Variants in ZNRF1 observed in about 807,000 individuals in gnomAD.
ZNRF1 encodes zinc and ring finger 1, also known as E3 ubiquitin-protein ligase ZNRF1.
A neutral mutation model predicts 18.4 loss-of-function variants in ZNRF1; 3 were observed. The ratio of observed to expected loss-of-function variants is 0.16; its 90% CI spans 0.07 to 0.42. ZNRF1 has a LOEUF of 0.42. ZNRF1 is among the 10% of genes least tolerant of loss of function. The probability of loss-of-function intolerance (pLI) is 0.99; values close to 1 mark genes in which losing one functional copy is unlikely to be tolerated. For synonymous variants in ZNRF1, 157 were observed against 144.2 expected (o/e 1.09, Z -0.64); for missense variants, 310 against 329.8 (o/e 0.94, Z 0.47).
rs1388014732 is a variant in ZNRF1, at chr16:75,109,840, CA to C, written c.*2141del. On this transcript the variant is annotated 3_prime_UTR_variant, in exon 5 of 5. Transcript: ENST00000335325. ...AGCAGGCTCCCCATAGCTTTGTCAC[CA>C]CAAAGGGCACTGTTCTATTCACAGC... The C allele has an allele frequency of 6.6e-6, 1 of 152,294 alleles. No individual in the cohort carries two copies. The highest frequency in any genetic ancestry group is 1.9e-4 in the East Asian group (1 of 5,206). The allele number at this position is 152,294 out of a possible 1,614,324, so 9.4% of individuals were successfully genotyped here. A position where few individuals can be genotyped will look rare whatever the true frequency, so the allele number is the denominator to read the frequency against.
At position 75,087,379 on chromosome 16, in the gene ZNRF1, C is replaced by T. The variant is rs2036086056; in HGVS notation, c.425-6193C>T. ...GACTTGCCTTCTCTCAAGAGCTCTG[C>T]TCTCTGGTACAGCCAACCAAATGGC... On this transcript the variant is annotated intron_variant, in intron 1 of 4. Transcript: ENST00000335325. 2.6e-5 allele frequency among the ~76,000 whole-genome samples: 4 copies of T among 152,228 alleles called. No homozygotes were observed. In the South Asian group the frequency reaches 8.3e-4, roughly 32 times the overall value.
chr16:75,098,378 C>A (rs2036222655), intron 2 of ZNRF1, among the ~76,000 whole-genome samples: 1 of 152,222 alleles, frequency 6.6e-6, no homozygotes, highest in South Asian at 2.1e-4. Context: ...TAGTTGGCTG[C>A]CCCCACTATC....
At chr16:75,049,604 C>G (rs1471167001) in intron 1 of ZNRF1, among the ~76,000 whole-genome samples, 1 of 152,152 alleles carries the variant, frequency 6.6e-6, no homozygotes, top group East Asian at 1.9e-4. Flanking sequence ...AGAGACCAAC[C>G]TGGGCAATAT....
At chr16:75,042,554 A>G (rs942136855) in intron 1 of ZNRF1, among the ~76,000 whole-genome samples, 3 of 151,254 alleles carry the variant, frequency 2.0e-5, no homozygotes, top group African/African-American at 7.3e-5. Context: ...AACTGGTCAT[A>G]AATGTAGTGG....
chr16:75,091,832 C>G (rs1394322288), intron 1 of ZNRF1, among the ~76,000 whole-genome samples: 1 of 152,068 alleles, frequency 6.6e-6, no homozygotes, highest in Non-Finnish European at 1.5e-5. Flanking sequence ...CGACCACACC[C>G]AGCCCTGTGG....
intron 1 of ZNRF1, among the ~76,000 whole-genome samples, chr16:75,053,589 C>CAAAA (rs56775288): frequency 4.2e-5 from 3 of 71,600 alleles, no homozygotes; most frequent in Admixed American, 1.5e-4. Flanking sequence ...GACTCCATCT[C>CAAAA]AAAAAAAAAA....
intron 1 of ZNRF1, among the ~76,000 whole-genome samples, chr16:75,050,086 G>A (rs1015597743): frequency 6.6e-6 from 1 of 152,100 alleles, no homozygotes; most frequent in African/African-American, 2.4e-5. Flanking sequence ...GAATCATAGG[G>A]CATGTAATCC....
intron 1 of ZNRF1, among the ~76,000 whole-genome samples, chr16:75,033,686 C>G (rs1461993542): frequency 3.3e-5 from 5 of 152,138 alleles, no homozygotes; most frequent in African/African-American, 1.2e-4. Flanking sequence ...ATCTGTTTCC[C>G]TCGGCCTCCC....
intron 1 of ZNRF1, among the ~76,000 whole-genome samples, chr16:75,030,833 C>CTTTTTTTTTTTTTTTTTT (rs59468839): frequency 1.1e-5 from 1 of 91,380 alleles, no homozygotes; most frequent in Non-Finnish European, 2.2e-5. Flanking sequence ...CACTTTATTC[C>CTTTTTTTTTTTTTTTTTT]TTTTTTTTTT....
chr16:75,027,145 C>T (rs2035235478), intron 1 of ZNRF1, among the ~76,000 whole-genome samples: 1 of 151,944 alleles, frequency 6.6e-6, no homozygotes, highest in South Asian at 2.1e-4. Context: ...GTGGCTCCTT[C>T]CTGTAATCCC....
chr16:75,002,818 A>G (rs923764617), intron 1 of ZNRF1, among the ~76,000 whole-genome samples: 3 of 152,208 alleles, frequency 2.0e-5, no homozygotes, highest in Non-Finnish European at 4.4e-5. Context: ...ACCCCCACGT[A>G]TACCATTCCC....
At position 75,003,468 on chromosome 16, in the gene ZNRF1, C is replaced by G. The variant is rs549101098; in HGVS notation, c.424+3373C>G. On this transcript the variant is annotated intron_variant, in intron 1 of 4. Coordinates refer to ENST00000335325, the MANE Select transcript of ZNRF1 (RefSeq NM_032268.5). ...TCATCTCACTTAATCATCACTCTGA[C>G]TCTATGGAGTAAGACTGTTCTCTCC... Among the ~76,000 whole-genome samples the G allele has an allele frequency of 2.6e-3, 389 of 152,228 alleles. 1 individual carries two copies. Among genetic ancestry groups the G allele is most frequent in the African/African-American group, 8.6e-3 (359 of 41,510 alleles).
chr16:75,031,251 C>T (rs1355149196), intron 1 of ZNRF1, among the ~76,000 whole-genome samples: 3 of 151,926 alleles, frequency 2.0e-5, no homozygotes, highest in Non-Finnish European at 2.9e-5. Flanking sequence ...CCTGCCTCAG[C>T]CTCCCAGGTA....
At chr16:75,098,039 G>A (rs1456267857) in intron 2 of ZNRF1, among the ~76,000 whole-genome samples, 1 of 152,230 alleles carries the variant, frequency 6.6e-6, no homozygotes, top group Non-Finnish European at 1.5e-5. Flanking sequence ...GCATTGCCCA[G>A]AGCCATTGTT....
rs575576805 is a variant in ZNRF1 at position 75,015,942 on chromosome 16, C to T, written c.424+15847C>T. Among the ~76,000 whole-genome samples the T allele has an allele frequency of 7.9e-4, 107 of 136,176 alleles. 1 individual carries two copies. In the South Asian group the frequency reaches 0.023, roughly 29 times the overall value. 89.3% of individuals were successfully genotyped at this position (136,176 alleles called of 152,430 possible). Reference sequence around the variant, plus strand: ...TTTTCTTTTTTTTTTTTTTTTGAGACGGAGTGTTGCTCTGTCCACCCAGGC... The same window carrying T: ...TTTTCTTTTTTTTTTTTTTTTGAGATGGAGTGTTGCTCTGTCCACCCAGGC... On this transcript the variant is annotated intron_variant, in intron 1 of 4. Coordinates refer to ENST00000335325, the MANE Select transcript of ZNRF1 (RefSeq NM_032268.5).
intron 2 of ZNRF1, among the ~76,000 whole-genome samples, chr16:75,098,494 C>T (rs554400512): frequency 1.3e-5 from 2 of 152,374 alleles, no homozygotes; most frequent in Admixed American, 6.5e-5. Context: ...CTCAAGGTCA[C>T]CCTGTTGCCT....
Position 75,049,766 on chromosome 16 carries a change from A to G in ZNRF1, c.425-43806A>G, listed in dbSNP as rs374747734. On this transcript the variant is annotated intron_variant, in intron 1 of 4. Coordinates refer to ENST00000335325, the MANE Select transcript of ZNRF1 (RefSeq NM_032268.5). The stretch of plus-strand genomic sequence containing the variant: ...CCTACATAATTACAGTGCAATAGCA[A>G]AATGAGGCAATTGGCATGGGTGCTG... 3.3e-4 allele frequency among the ~76,000 whole-genome samples: 50 copies of G among 152,306 alleles called. 3 individuals are homozygous for G. Among genetic ancestry groups the G allele is most frequent in the East Asian group, 1.5e-3 (8 of 5,192 alleles).
rs748990838 is a variant in ZNRF1 at position 75,106,547 on chromosome 16, G to C, written c.*8G>C. On this transcript the variant is annotated 3_prime_UTR_variant, in exon 4 of 5. Transcript: ENST00000335325. ...GAACACCCTGCGGACTGACCTGCGG[G>C]CTTGCTTGCTGACTCCTCTCAAAGG... 1 of 1,614,112 alleles carries C rather than the reference G, an allele frequency of 6.2e-7. No homozygotes were observed. The highest frequency in any genetic ancestry group is 8.5e-7 in the Non-Finnish European group (1 of 1,179,996).
chr16:75,009,416 G>T (rs1248105024), intron 1 of ZNRF1, among the ~76,000 whole-genome samples: 2 of 152,172 alleles, frequency 1.3e-5, no homozygotes, highest in Admixed American at 6.5e-5. Flanking sequence ...TTCACTTAGC[G>T]TAGTGTCCTC....
Sources: allele counts gnomAD v4.1 joint callset (sites outside exome capture counted in the v4.1 genomes callset), GRCh38; gene constraint gnomAD v4.1.1; transcripts MANE v1.5; gene names NCBI Gene and HGNC (gene_info 2026-07-23, HGNC 2026-07-21).